TMTC2: variants seen among roughly 807,000 people sequenced by gnomAD.
The protein encoded by TMTC2 is transmembrane O-mannosyltransferase targeting cadherins 2, also known as protein O-mannosyl-transferase TMTC2.
In TMTC2, 43 loss-of-function variants were observed where a neutral mutation model predicts 82.4. The ratio of observed to expected loss-of-function variants is 0.52; its 90% confidence interval spans 0.41 to 0.67. The LOEUF (loss-of-function observed/expected upper bound fraction) is 0.67. Ranked by LOEUF, TMTC2 falls within the 30% of genes least tolerant of loss-of-function variation. The pLI, the probability that TMTC2 is intolerant of heterozygous loss-of-function variation, is 0.00. For missense variants in TMTC2, 919 were observed against 1,012.4 expected (o/e 0.91, Z 1.25); for synonymous variants, 408 against 381.9 (o/e 1.07, Z -0.80).
At chr12:82,965,131 A>AT (rs561223773) in intron 5 of TMTC2, 22 bp downstream of exon 5, 4 of 1,528,206 alleles carry the variant, frequency 2.6e-6, no homozygotes, top group Non-Finnish European at 2.7e-6. Context: ...TCAAGTGTTT[A>AT]TTTTTTTATA....
At chr12:82,997,192 TCCCTCCCC>T (rs1879664539) in intron 8 of TMTC2, among the ~76,000 whole-genome samples, 1 of 84,480 alleles carries the variant, frequency 1.2e-5, no homozygotes, top group African/African-American at 4.9e-5. Flanking sequence ...CCTCCCCCTC[TCCCTCCCC>T]CTCTCCCTCT....
At position 82,955,820 on chromosome 12, in the gene TMTC2, A is replaced by T. The variant is rs966916780; in HGVS notation, c.1599-9204A>T. ...TAAAAGATAAATCATTAGAGGAGAA[A>T]TCTGAGAAGTAAAATATTATTTTAA... On this transcript the variant is annotated intron_variant, in intron 4 of 11. Coordinates refer to ENST00000321196, the MANE Select transcript of TMTC2 (RefSeq NM_152588.3). Among the ~76,000 whole-genome samples, 5 of 152,144 alleles carry T rather than the reference A, an allele frequency of 3.3e-5. No individual in the cohort carries two copies. In the South Asian group the frequency reaches 1.0e-3, roughly 31 times the overall value.
chr12:82,904,590 A>G (rs148599974), intron 3 of TMTC2, among the ~76,000 whole-genome samples: 1 of 152,236 alleles, frequency 6.6e-6, no homozygotes, highest in Non-Finnish European at 1.5e-5. Flanking sequence ...TGCTGATTTC[A>G]CAATGACTCT....
chr12:82,965,528 C>T (rs368271067), intron 5 of TMTC2, 32 bp from the exon 6 acceptor site: 13 of 1,607,690 alleles, frequency 8.1e-6, no homozygotes, highest in Non-Finnish European at 1.1e-5. Flanking sequence ...ATATCATCTT[C>T]TCACACTTTT....
At chr12:82,713,520 G>A (rs1487626795) in intron 1 of TMTC2, among the ~76,000 whole-genome samples, 2 of 152,152 alleles carry the variant, frequency 1.3e-5, no homozygotes, top group East Asian at 1.9e-4. Flanking sequence ...AAGGCAAGGA[G>A]GAACAAGTCA....
chr12:82,769,084 C>G (rs913251923), intron 1 of TMTC2, among the ~76,000 whole-genome samples: 2 of 151,060 alleles, frequency 1.3e-5, no homozygotes, highest in Non-Finnish European at 2.9e-5. Context: ...GCTCAAGCCC[C>G]AGCTCACAAA....
chr12:83,019,172 A>G (rs1428919442), intron 8 of TMTC2, among the ~76,000 whole-genome samples: 2 of 151,440 alleles, frequency 1.3e-5, no homozygotes, highest in East Asian at 1.9e-4. Context: ...AAAAAAAAAC[A>G]TACACATTAA....
intron 1 of TMTC2, among the ~76,000 whole-genome samples, chr12:82,789,623 T>C (rs1878358957): frequency 6.6e-6 from 1 of 152,194 alleles, no homozygotes; most frequent in African/African-American, 2.4e-5. Flanking sequence ...CATGTTCACC[T>C]CTGATGAAAC....
At position 83,077,495 on chromosome 12, in the gene TMTC2, AT is replaced by A. The variant is rs377359111; in HGVS notation, c.2331+15666del. On this transcript the variant is annotated intron_variant, in intron 11 of 11. Transcript: ENST00000321196. ...TTCAATTCTATATGAAGGCTGTCAT[AT>A]TATGTAAAACTTATGTTAAATTCTT... Among the ~76,000 whole-genome samples, 97 of 152,276 alleles carry A rather than the reference AT, an allele frequency of 6.4e-4. 1 individual carries two copies. Among genetic ancestry groups the A allele is most frequent in the African/African-American group, 2.3e-3 (95 of 41,556 alleles).
rs76793361 is a variant in TMTC2 at position 83,013,731 on chromosome 12, T to C, written c.2071-17067T>C. On this transcript the variant is annotated intron_variant, in intron 8 of 11. Transcript: ENST00000321196. ...TTCTGTGAAATAGCAGGTATTTGTA[T>C]ACTGCAATATTCGAAGTCAACTGAA... is the stretch of plus-strand genomic sequence containing the variant. Among the ~76,000 whole-genome samples, 1,436 of 152,346 alleles carry C rather than the reference T, an allele frequency of 9.4e-3. 22 individuals are homozygous for C. The highest frequency in any genetic ancestry group is 0.033 in the African/African-American group (1,384 of 41,578).
At chr12:82,991,442 C>T (rs1463670298) in intron 8 of TMTC2, among the ~76,000 whole-genome samples, 1 of 152,120 alleles carries the variant, frequency 6.6e-6, no homozygotes, top group Non-Finnish European at 1.5e-5. Flanking sequence ...TATTATTAGG[C>T]ATGATAGGTC....
intron 4 of TMTC2, among the ~76,000 whole-genome samples, chr12:82,937,803 T>C (rs12305876): frequency 0.01 from 1,385 of 136,078 alleles, 69 homozygotes; most frequent in African/African-American, 0.04. Context: ...TATACACACA[T>C]ATATATATAA....
chr12:82,863,185 A>G (rs1245152680), intron 2 of TMTC2, among the ~76,000 whole-genome samples: 4 of 151,304 alleles, frequency 2.6e-5, no homozygotes, highest in African/African-American at 9.8e-5. Flanking sequence ...ATTGCATTGA[A>G]TGAAATATGA....
chr12:82,946,877 G>A (rs1033225722), intron 4 of TMTC2, among the ~76,000 whole-genome samples: 1 of 151,910 alleles, frequency 6.6e-6, no homozygotes, highest in Non-Finnish European at 1.5e-5. Context: ...AAGTAGCTGG[G>A]ACTACAGGCG....
chr12:82,747,601 T>C (rs1453539618), intron 1 of TMTC2, among the ~76,000 whole-genome samples: 1 of 152,212 alleles, frequency 6.6e-6, no homozygotes, highest in African/African-American at 2.4e-5. Context: ...TTTTAGAGCA[T>C]GGAATTGAGT....
intron 7 of TMTC2, among the ~76,000 whole-genome samples, chr12:82,977,373 T>C (rs1343116950): frequency 1.3e-5 from 2 of 151,976 alleles, no homozygotes; most frequent in East Asian, 3.9e-4. Context: ...ATTAGAGTGA[T>C]ATTGTACCCA....
At chr12:82,734,398 C>T (rs542699853) in intron 1 of TMTC2, among the ~76,000 whole-genome samples, 1 of 152,234 alleles carries the variant, frequency 6.6e-6, no homozygotes, top group Non-Finnish European at 1.5e-5. Flanking sequence ...TCTTGCTGGC[C>T]ATCACCAGAG....
At chr12:82,688,793 G>A (rs1346906321) in intron 1 of TMTC2, among the ~76,000 whole-genome samples, 3 of 152,190 alleles carry the variant, frequency 2.0e-5, no homozygotes, top group African/African-American at 4.8e-5. Flanking sequence ...GGGCGAGGCA[G>A]TGAGAGCACT....
intron 8 of TMTC2, among the ~76,000 whole-genome samples, chr12:83,018,894 G>A (rs1460538377): frequency 6.6e-6 from 1 of 152,136 alleles, no homozygotes; most frequent in Non-Finnish European, 1.5e-5. Context: ...CACCTACTAC[G>A]CATCTGGTCC....
Sources: gnomAD v4.1 joint callset for allele counts (sites outside exome capture counted in the v4.1 genomes callset) on GRCh38, gnomAD v4.1.1 for gene constraint, MANE v1.5 for transcripts, NCBI Gene and HGNC (gene_info 2026-07-23, HGNC 2026-07-21) for gene names.